The following TXLNG variants were observed in gnomAD, a reference collection of about 807,000 sequenced individuals.
TXLNG encodes taxilin gamma.
TXLNG carries 5 observed loss-of-function variants against 38.8 expected under a neutral mutation model. The ratio of observed to expected loss-of-function variants is 0.13; its 90% CI spans 0.07 to 0.27. The LOEUF (loss-of-function observed/expected upper bound fraction) is 0.27, where lower values mean the gene tolerates loss of function less well. TXLNG is among the 10% of genes least tolerant of loss of function. TXLNG has a pLI of 1.00. For synonymous variants in TXLNG, 182 were observed against 158.2 expected (o/e 1.15, Z -1.13); for missense variants, 393 against 398.2 (o/e 0.99, Z 0.11).
At chrX:16,840,175 A>G (rs969295812) in intron 9 of TXLNG, among the ~76,000 whole-genome samples, 1 of 112,306 alleles carries the variant, frequency 8.9e-6, no homozygotes. Context: ...TGTGTCGGAG[A>G]TAGCATAAAA....
rs1929901867 is a variant in TXLNG, at chrX:16,842,723, C to T, written c.*957C>T. ...CTACAAAAATTCCACCAGCAAAGTA[C>T]TCCAGGTTTTTCAAAAGGGAATTTT... On this transcript the variant is annotated 3_prime_UTR_variant, in exon 10 of 10. Coordinates refer to ENST00000380122, the MANE Select transcript of TXLNG (RefSeq NM_018360.3). 8.9e-6 allele frequency: 1 copy of T among 112,357 alleles called. No individual in the cohort carries two copies. The highest frequency in any genetic ancestry group is 1.9e-5 in the Non-Finnish European group (1 of 53,302). The allele number at this position is 112,357 out of a possible 1,213,427, so 9.3% of individuals were successfully genotyped here.
chrX:16,818,435 A>G (rs1209946702), intron 1 of TXLNG, 139 bp from the exon 2 acceptor site: 2 of 626,669 alleles, frequency 3.2e-6, no homozygotes, highest in Non-Finnish European at 4.8e-6. Flanking sequence ...GAAACCTAGA[A>G]AGTACCATAT....
intron 3 of TXLNG, among the ~76,000 whole-genome samples, chrX:16,825,919 G>A (rs1206119250): frequency 1.8e-5 from 2 of 112,123 alleles, no homozygotes; most frequent in Admixed American, 9.5e-5. Flanking sequence ...CAATGTAATC[G>A]AGTTGCGCTG....
chrX:16,797,462 G>C lies in TXLNG; in HGVS notation c.102+10873G>C, dbSNP rs150255390. Among the ~76,000 whole-genome samples, 951 of 111,561 alleles carry C rather than the reference G, an allele frequency of 8.5e-3. 8 individuals are homozygous for C. Among genetic ancestry groups the C allele is most frequent in the African/African-American group, 0.028 (867 of 30,703 alleles). On this transcript the variant is annotated intron_variant, in intron 1 of 9. Coordinates refer to ENST00000380122, the MANE Select transcript of TXLNG (RefSeq NM_018360.3). ...TGTCGAGGGCTGTAGTCACCTGAAG[G>C]CTTGACTGGGAAAGATCCACTTCCC... is the stretch of plus-strand genomic sequence containing the variant.
At chrX:16,821,181 C>G (rs771089893) in intron 3 of TXLNG, among the ~76,000 whole-genome samples, 2 of 98,057 alleles carry the variant, frequency 2.0e-5, no homozygotes, top group African/African-American at 3.8e-5. Context: ...CGCTCCGTCA[C>G]CCAGGCTGGA....
chrX:16,839,878 G>C lies in TXLNG; in HGVS notation c.1210G>C (p.Glu404Gln). Residue 404 changes from glutamate (E) to glutamine (Q), a missense_variant, in exon 9 of 10, where the codon GAA becomes CAA. Glu to Gln is a conservative substitution (Grantham distance 29, BLOSUM62 2). Transcript: ENST00000380122. Reference sequence around the variant, plus strand: ...AACAATAATTTGGCGTACCAAATGGGAAAACAATAATAAAGCACTTCTGCA... The same window carrying C: ...AACAATAATTTGGCGTACCAAATGGCAAAACAATAATAAAGCACTTCTGCA... ...KETIIWRTKW[E>Q]NNNKALLQMA... 8 of 1,205,240 alleles carry C rather than the reference G, an allele frequency of 6.6e-6. No individual in the cohort carries two copies. Among genetic ancestry groups the C allele is most frequent in the Non-Finnish European group, 9.0e-6 (8 of 892,249 alleles).
At chrX:16,790,786 C>G (rs1927674100) in intron 1 of TXLNG, among the ~76,000 whole-genome samples, 2 of 111,890 alleles carry the variant, frequency 1.8e-5, no homozygotes, top group South Asian at 7.3e-4. Flanking sequence ...GCAGCTTTCA[C>G]TGCCCTCATT....
rs757864603 is a variant in TXLNG at position 16,844,060 on chromosome X, T to C, written c.*2294T>C. 2 of 111,624 alleles carry C rather than the reference T, an allele frequency of 1.8e-5. No homozygotes were observed. Among genetic ancestry groups the C allele is most frequent in the South Asian group, 3.8e-4 (1 of 2,659 alleles). The allele number at this position is 111,624 out of a possible 1,213,427, so 9.2% of individuals were successfully genotyped here. A position where few individuals can be genotyped will look rare whatever the true frequency, so the allele number is the denominator to read the frequency against. On this transcript the variant is annotated 3_prime_UTR_variant, in exon 10 of 10. Transcript: ENST00000380122. ...AATGTTGAATTCACTTAAATTGCAATTGTTGCACCATCATGGAATCGTGAT... is the reference window on the plus strand; with the variant it reads ...AATGTTGAATTCACTTAAATTGCAACTGTTGCACCATCATGGAATCGTGAT...
At chrX:16,826,546 T>C (rs1929172757) in intron 3 of TXLNG, among the ~76,000 whole-genome samples, 1 of 111,874 alleles carries the variant, frequency 8.9e-6, no homozygotes, top group African/African-American at 3.3e-5. Flanking sequence ...CCCTGAGTGC[T>C]GTTTACTGAG....
chrX:16,825,400 G>A (rs1303893926), intron 3 of TXLNG, among the ~76,000 whole-genome samples: 1 of 112,366 alleles, frequency 8.9e-6, no homozygotes, highest in Non-Finnish European at 1.9e-5. Flanking sequence ...TTCCTGACAC[G>A]TGTATACCAG....
chrX:16,834,867 C>T (rs917557974), intron 7 of TXLNG, among the ~76,000 whole-genome samples: 4 of 112,183 alleles, frequency 3.6e-5, no homozygotes, highest in Non-Finnish European at 7.5e-5. Context: ...GCTATAAGCA[C>T]GTAAGTTGTT....
chrX:16,819,924 A>G (rs1017394590), intron 2 of TXLNG, among the ~76,000 whole-genome samples: 10 of 111,628 alleles, frequency 9.0e-5, no homozygotes, highest in African/African-American at 2.9e-4. Flanking sequence ...TCTTATAAAT[A>G]GCTCGCAGTG....
chrX:16,804,843 A>G (rs1008089172), intron 1 of TXLNG, among the ~76,000 whole-genome samples: 13 of 108,600 alleles, frequency 1.2e-4, no homozygotes, highest in African/African-American at 4.4e-4. Flanking sequence ...AACCATCACT[A>G]CTAGGAATAG....
Position 16,841,789 on chromosome X carries a change from G to A in TXLNG, c.*23G>A. Reference sequence around the variant, plus strand: ...TAAGATGAGGTGTGATCACTGTATTGAGAGATATATTTTGTGTATAACTTT... The same window carrying A: ...TAAGATGAGGTGTGATCACTGTATTAAGAGATATATTTTGTGTATAACTTT... On this transcript the variant is annotated 3_prime_UTR_variant, in exon 10 of 10. Coordinates refer to ENST00000380122, the MANE Select transcript of TXLNG (RefSeq NM_018360.3). 8.6e-7 allele frequency: 1 copy of A among 1,168,798 alleles called. No individual in the cohort carries two copies. The highest frequency in any genetic ancestry group is 1.2e-6 in the Non-Finnish European group (1 of 869,385).
At chrX:16,806,524 G>A (rs775028336) in intron 1 of TXLNG, among the ~76,000 whole-genome samples, 4 of 112,699 alleles carry the variant, frequency 3.5e-5, no homozygotes, top group Non-Finnish European at 7.5e-5. Flanking sequence ...GCTCACGCCT[G>A]TAATTCCAGC....
At chrX:16,825,203 A>G (rs1217253650) in intron 3 of TXLNG, among the ~76,000 whole-genome samples, 1 of 112,368 alleles carries the variant, frequency 8.9e-6, no homozygotes, top group Non-Finnish European at 1.9e-5. Context: ...GACCACAGTG[A>G]GATGCCATTT....
chrX:16,802,768 A>G (rs891300886), intron 1 of TXLNG, among the ~76,000 whole-genome samples: 3 of 110,995 alleles, frequency 2.7e-5, no homozygotes, highest in Admixed American at 9.7e-5. Flanking sequence ...ATACAATAAA[A>G]AACAGTGCTT....
At chrX:16,841,260 C>T (rs1346860574) in intron 9 of TXLNG, among the ~76,000 whole-genome samples, 168 bp from the exon 10 acceptor site, 1 of 110,931 alleles carries the variant, frequency 9.0e-6, no homozygotes, top group Non-Finnish European at 1.9e-5. Flanking sequence ...AAATCTCATT[C>T]GGTATAGTTA....
intron 1 of TXLNG, among the ~76,000 whole-genome samples, chrX:16,818,118 G>C (rs1219486497): frequency 9.0e-6 from 1 of 111,373 alleles, no homozygotes; most frequent in African/African-American, 3.3e-5. Context: ...AATAGTCCCT[G>C]GCTGGGCACT....
Sources: gnomAD v4.1 joint callset for allele counts (sites outside exome capture counted in the v4.1 genomes callset) on GRCh38, gnomAD v4.1.1 for gene constraint, MANE v1.5 for transcripts, NCBI Gene and HGNC (gene_info 2026-07-23, HGNC 2026-07-21) for gene names.